The following TTC39C variants were observed in gnomAD, a reference collection of about 807,000 sequenced individuals.
TTC39C encodes tetratricopeptide repeat protein 39C.
TTC39C carries 33 observed loss-of-function variants against 76.3 expected under a neutral mutation model. The ratio of observed to expected loss-of-function variants is 0.43; its 90% CI spans 0.33 to 0.58. The LOEUF (loss-of-function observed/expected upper bound fraction) is 0.58, where lower values mean the gene tolerates loss of function less well. Among genes scored for constraint, TTC39C ranks in the 20% least tolerant of loss-of-function variants. TTC39C has a pLI of 0.04. For missense variants in TTC39C, 595 were observed against 701.4 expected, an observed-to-expected ratio of 0.85 and a Z score of 1.71; for synonymous variants, 254 against 260.6, an observed-to-expected ratio of 0.97 and a Z score of 0.24.
intron 1 of TTC39C, among the ~76,000 whole-genome samples, chr18:23,997,698 G>GA (rs1376876126): frequency 2.7e-5 from 4 of 150,204 alleles, no homozygotes; most frequent in Admixed American, 6.6e-5. Context: ...AAGAAAGAAA[G>GA]AAAGAAAGAA....
At chr18:24,001,836 T>G (rs12955106) in intron 1 of TTC39C, among the ~76,000 whole-genome samples, 1 of 120,690 alleles carries the variant, frequency 8.3e-6, no homozygotes, top group Non-Finnish European at 1.9e-5. Context: ...TTTTTTTTTT[T>G]TTTTTTTGAG....
chr18:24,043,471 G>C (rs1254506771), intron 1 of TTC39C, among the ~76,000 whole-genome samples: 1 of 152,188 alleles, frequency 6.6e-6, no homozygotes, highest in Non-Finnish European at 1.5e-5. Flanking sequence ...TTCGGCAACA[G>C]AAAAATACAA....
chr18:24,113,356 C>A, intron 6 of TTC39C: 1 of 563,292 alleles, frequency 1.8e-6, no homozygotes, highest in South Asian at 2.2e-5. Context: ...CAGTGACGTG[C>A]TGAGGAGAGG....
rs1206398660 is a variant in TTC39C at position 24,114,563 on chromosome 18, A to C, written c.994A>C (p.Asn332His). 6.2e-7 allele frequency: 1 copy of C among 1,613,942 alleles called. No homozygotes were observed. Among genetic ancestry groups the C allele is most frequent in the East Asian group, 2.2e-5 (1 of 44,858 alleles). Residue 332 changes from asparagine (N) to histidine (H), a missense_variant, in exon 7 of 14, where the codon AAC (asparagine) becomes CAC (histidine). Transcript: ENST00000317571. ...TTCCTTTTCTCCTTAGTGTCAAATC[A>C]ACAGTGCCTTGACATCTTTCCACAC... ...GRIQRLECQI[N>H]SALTSFHTAL... is the part of the protein sequence containing the mutation.
At chr18:24,105,009 C>T (rs2084729103) in intron 6 of TTC39C, among the ~76,000 whole-genome samples, 1 of 150,288 alleles carries the variant, frequency 6.7e-6, no homozygotes, top group South Asian at 2.1e-4. Flanking sequence ...ATAGAATTTA[C>T]ATAAAAATAA....
chr18:24,090,451 A>T (rs1313799127), intron 6 of TTC39C, among the ~76,000 whole-genome samples: 1 of 152,218 alleles, frequency 6.6e-6, no homozygotes, highest in Non-Finnish European at 1.5e-5. Context: ...TAACATTTTT[A>T]AAAATACTGC....
chr18:24,131,523 G>C (rs1439797425), intron 12 of TTC39C, among the ~76,000 whole-genome samples: 1 of 151,950 alleles, frequency 6.6e-6, no homozygotes, highest in Non-Finnish European at 1.5e-5. Context: ...CTGGCCAACA[G>C]AGCTAAATCC....
chr18:24,009,317 G>A (rs191002453), intron 1 of TTC39C, among the ~76,000 whole-genome samples: 2 of 152,250 alleles, frequency 1.3e-5, no homozygotes, highest in East Asian at 3.9e-4. Flanking sequence ...TTATCCATGG[G>A]ACTGGAACTC....
At chr18:23,996,068 C>T (rs938075301) in intron 1 of TTC39C, among the ~76,000 whole-genome samples, 6 of 152,248 alleles carry the variant, frequency 3.9e-5, no homozygotes, top group Non-Finnish European at 5.9e-5. Context: ...TTCTTGCCAA[C>T]ATTTGATATT....
intron 4 of TTC39C, among the ~76,000 whole-genome samples, chr18:24,074,382 A>G (rs898968203): frequency 6.6e-6 from 1 of 152,192 alleles, no homozygotes; most frequent in African/African-American, 2.4e-5. Context: ...GGAGTTATTT[A>G]TATCCTACGG....
chr18:24,100,994 G>A (rs1037157600), intron 6 of TTC39C, among the ~76,000 whole-genome samples: 3 of 152,140 alleles, frequency 2.0e-5, no homozygotes, highest in Non-Finnish European at 2.9e-5. Flanking sequence ...GGGAAGATAA[G>A]AATATGCAGG....
intron 1 of TTC39C, among the ~76,000 whole-genome samples, chr18:24,008,507 A>G (rs942808079): frequency 3.9e-5 from 6 of 152,238 alleles, no homozygotes; most frequent in Non-Finnish European, 5.9e-5. Flanking sequence ...TTACGTGAAT[A>G]GAAGGAAAGT....
At chr18:23,994,168 T>C (rs1021541447) in intron 1 of TTC39C, 1 of 152,208 alleles carries the variant, frequency 6.6e-6, no homozygotes, top group South Asian at 2.1e-4. Context: ...TATTATTCCT[T>C]AGATGTTTTG....
intron 9 of TTC39C, 68 bp downstream of exon 9, chr18:24,124,011 A>C: frequency 8.5e-7 from 1 of 1,171,006 alleles, no homozygotes. Context: ...CTGCCTTGGC[A>C]AGCTTTAGGA....
In TTC39C at chr18:24,128,986, A is replaced by C. The variant is rs749631493; in HGVS notation, c.1518+3A>C. ...GAAACTCAGAAGATGCTGTTCAGGT[A>C]AACTGTTAATGTTGTCAGGGCTAAA... On this transcript the variant is annotated splice_donor_region_variant and intron_variant, in intron 11 of 13. Coordinates refer to ENST00000317571, the MANE Select transcript of TTC39C (RefSeq NM_001135993.2). The C allele has an allele frequency of 6.2e-7, 1 of 1,611,750 alleles. No homozygotes were observed. Among genetic ancestry groups the C allele is most frequent in the Admixed American group, 1.7e-5 (1 of 59,888 alleles).
chr18:24,018,416 C>T (rs908462799), intron 1 of TTC39C, among the ~76,000 whole-genome samples: 1 of 152,216 alleles, frequency 6.6e-6, no homozygotes, highest in African/African-American at 2.4e-5. Context: ...TCCTCACTCA[C>T]TGTTTGCATA....
At chr18:24,112,950 GGATT>G (rs1039798322) in intron 6 of TTC39C, among the ~76,000 whole-genome samples, 3 of 152,116 alleles carry the variant, frequency 2.0e-5, no homozygotes, top group African/African-American at 7.2e-5. Flanking sequence ...GCGCCATAAA[GGATT>G]GATTTTTTTT....
chr18:24,129,063 A>G lies in TTC39C; in HGVS notation c.1518+80A>G. 3 of 1,156,132 alleles carry G rather than the reference A, an allele frequency of 2.6e-6. No individual in the cohort carries two copies. In the South Asian group the frequency reaches 4.5e-5, roughly 17 times the overall value. 71.6% of individuals were successfully genotyped at this position (1,156,132 alleles called of 1,614,324 possible). ...TATGCTTGTGAATAAGAAAAATGAA[A>G]AAGCACTGAACGAAACCGAACCTCC... On this transcript the variant is annotated intron_variant, in intron 11 of 13. Transcript: ENST00000317571.
At chr18:23,998,435 C>T (rs1050408502) in intron 1 of TTC39C, among the ~76,000 whole-genome samples, 1 of 152,072 alleles carries the variant, frequency 6.6e-6, no homozygotes, top group South Asian at 2.1e-4. Flanking sequence ...CATGGTGAGA[C>T]CCCCATCTCT....
Sources: gnomAD v4.1 joint callset for allele counts (sites outside exome capture counted in the v4.1 genomes callset) on GRCh38, gnomAD v4.1.1 for gene constraint, MANE v1.5 for transcripts, NCBI Gene and HGNC (gene_info 2026-07-23, HGNC 2026-07-21) for gene names.